The following MEGF6 variants were observed in gnomAD, a reference collection of about 807,000 sequenced individuals.
MEGF6 encodes the protein multiple epidermal growth factor-like domains protein 6.
Under a neutral mutation model 207.1 loss-of-function variants are expected in MEGF6, and 184 were observed. The observed-to-expected ratio is 0.89, with a 90% CI of 0.79 to 1.00. MEGF6 has a LOEUF of 1.00. Among genes scored for constraint, MEGF6 ranks in the 50% least tolerant of loss-of-function variants. MEGF6 has a pLI of 0.00. For missense variants in MEGF6, 2,282 were observed against 2,202.9 expected, an observed-to-expected ratio of 1.04 and a Z score of -0.72; for synonymous variants, 1,038 against 910.0, an observed-to-expected ratio of 1.14 and a Z score of -2.53.
At chr1:3,506,596 G>T (rs1182753677) in intron 14 of MEGF6, among the ~76,000 whole-genome samples, 4 of 152,188 alleles carry the variant, frequency 2.6e-5, no homozygotes, top group African/African-American at 9.7e-5. Context: ...AAAGCGGGAA[G>T]GACACGTGGC....
intron 3 of MEGF6, among the ~76,000 whole-genome samples, chr1:3,582,268 C>T (rs562554100): frequency 3.9e-5 from 6 of 152,308 alleles, no homozygotes; most frequent in East Asian, 1.9e-4. Flanking sequence ...AGATGTTCCC[C>T]GGACCCTGGG....
intron 4 of MEGF6, among the ~76,000 whole-genome samples, chr1:3,554,830 G>C (rs1415298468): frequency 6.6e-6 from 1 of 152,226 alleles, no homozygotes; most frequent in Non-Finnish European, 1.5e-5. Flanking sequence ...CAAAGTCGTT[G>C]CCATTCAAGG....
At chr1:3,609,428 C>T (rs1644296254) in intron 1 of MEGF6, among the ~76,000 whole-genome samples, 3 of 152,240 alleles carry the variant, frequency 2.0e-5, no homozygotes, top group Admixed American at 2.0e-4. Flanking sequence ...GAAGGCACGC[C>T]TGCCACCGTC....
At chr1:3,504,293 C>G (rs551885579) in intron 17 of MEGF6, among the ~76,000 whole-genome samples, 63 of 152,300 alleles carry the variant, frequency 4.1e-4, no homozygotes, top group African/African-American at 1.5e-3. Flanking sequence ...CCGACCTGCC[C>G]AGGCCCTGTT....
intron 3 of MEGF6, 142 bp downstream of exon 3, chr1:3,595,196 G>T: frequency 1.7e-6 from 1 of 603,092 alleles, no homozygotes; most frequent in Non-Finnish European, 2.9e-6. Context: ...TTGGCAAACG[G>T]CGTTGCTGAG....
Position 3,499,186 on chromosome 1 carries a change from C to G in MEGF6, c.3046G>C (p.Gly1016Arg), listed in dbSNP as rs189364002. 5.0e-6 allele frequency: 8 copies of G among 1,603,984 alleles called. No homozygotes were observed. The highest frequency in any genetic ancestry group is 2.7e-5 in the African/African-American group (2 of 74,944). Residue 1016 changes from glycine (G) to arginine (R), a missense_variant, in exon 24 of 37, where the codon GGG becomes CGG. Gly to Arg is a moderately radical substitution (Grantham distance 125). Transcript: ENST00000356575. ...FNGASCDPVH[G>R]QCHCAPGWMG... ...CAGCCAGGGGCACAGTGGCACTGCC[C>G]GTGGACAGGGTCACAGGAGGCCCCG...
chr1:3,575,538 C>T (rs951656398), intron 4 of MEGF6, among the ~76,000 whole-genome samples: 18 of 152,308 alleles, frequency 1.2e-4, no homozygotes, highest in African/African-American at 4.1e-4. Flanking sequence ...CTAGACTGGG[C>T]AATTTACAAA....
At chr1:3,501,974 C>A in intron 17 of MEGF6, 53 bp from the exon 18 acceptor site, 2 of 1,586,042 alleles carry the variant, frequency 1.3e-6, no homozygotes, top group Non-Finnish European at 1.7e-6. Context: ...GTGGACTGAC[C>A]AGAGCCTTTC....
At position 3,576,174 on chromosome 1, in the gene MEGF6, C is replaced by T. The variant is rs781139892; in HGVS notation, c.481+3651G>A. 5.3e-5 allele frequency among the ~76,000 whole-genome samples: 8 copies of T among 152,372 alleles called. No individual in the cohort carries two copies. In the East Asian group the frequency reaches 5.8e-4, roughly 11 times the overall value. On this transcript the variant is annotated intron_variant, in intron 4 of 36. Coordinates refer to ENST00000356575, the MANE Select transcript of MEGF6 (RefSeq NM_001409.4). The stretch of plus-strand genomic sequence containing the variant: ...AGCCTTCACTGCAGGGCCTGCCCAG[C>T]GCCGGGCCCTCCACCCTCCGGGCAG...
intron 4 of MEGF6, among the ~76,000 whole-genome samples, chr1:3,578,536 T>TG (rs60070220): frequency 0.097 from 13,386 of 138,340 alleles, 728 homozygotes; most frequent in East Asian, 0.32. Context: ...GCAGGGGCCC[T>TG]GGGGGGGGGG....
At chr1:3,598,328 C>A (rs909392700) in intron 2 of MEGF6, among the ~76,000 whole-genome samples, 1 of 152,198 alleles carries the variant, frequency 6.6e-6, no homozygotes, top group African/African-American at 2.4e-5. Flanking sequence ...GCGGGCGGGC[C>A]GCTTCCCGGA....
chr1:3,500,778 C>T lies in MEGF6; in HGVS notation c.2576-14G>A, dbSNP rs368489060. 54 of 1,604,150 alleles carry T rather than the reference C, an allele frequency of 3.4e-5. No homozygotes were observed. Among genetic ancestry groups the T allele is most frequent in the Non-Finnish European group, 4.4e-5 (52 of 1,175,424 alleles). On this transcript the variant is annotated splice_polypyrimidine_tract_variant and intron_variant, in intron 20 of 36. Coordinates refer to ENST00000356575, the MANE Select transcript of MEGF6 (RefSeq NM_001409.4). ...CAGTATCACAGGCTGCAACAGAACT[C>T]AGGGTCACCCGGCGCAGGCCCAAGC...
In MEGF6 at chr1:3,549,901, G is replaced by T. The variant is rs115010998; in HGVS notation, c.482-25655C>A. Among the ~76,000 whole-genome samples, 729 of 152,256 alleles carry T rather than the reference G, an allele frequency of 4.8e-3. 8 individuals are homozygous for T. The highest frequency in any genetic ancestry group is 0.017 in the African/African-American group (708 of 41,548). On this transcript the variant is annotated intron_variant, in intron 4 of 36. Transcript: ENST00000356575. ...CAAGCACAGGCACGGGTGGGCGGTCGAAGGTCAGAACCAGGCTAGGCTCTG... is the reference window on the plus strand; with the variant it reads ...CAAGCACAGGCACGGGTGGGCGGTCTAAGGTCAGAACCAGGCTAGGCTCTG...
intron 4 of MEGF6, among the ~76,000 whole-genome samples, chr1:3,562,246 C>T (rs567835340): frequency 6.6e-6 from 1 of 152,286 alleles, no homozygotes; most frequent in South Asian, 2.1e-4. Flanking sequence ...TTCTATCTCT[C>T]TATGTCTCTT....
intron 5 of MEGF6, among the ~76,000 whole-genome samples, chr1:3,517,810 G>A (rs911732603): frequency 3.3e-5 from 5 of 152,256 alleles, no homozygotes; most frequent in African/African-American, 1.2e-4. Flanking sequence ...CTCCCTGTCT[G>A]TGCTCCACAG....
chr1:3,527,147 C>G lies in MEGF6; in HGVS notation c.482-2901G>C, dbSNP rs543749513. Among the ~76,000 whole-genome samples the G allele has an allele frequency of 5.9e-5, 9 of 152,346 alleles. No individual in the cohort carries two copies. The South Asian group carries it at 1.0e-3, about 18-fold the overall frequency. On this transcript the variant is annotated intron_variant, in intron 4 of 36. Coordinates refer to ENST00000356575, the MANE Select transcript of MEGF6 (RefSeq NM_001409.4). ...CCCACCACCCTCCGGTTCCCACCCA[C>G]GGTCCCTGTGAAAATGCCCACCTTC...
At chr1:3,505,930 G>A (rs563175550) in intron 15 of MEGF6, among the ~76,000 whole-genome samples, 178 bp downstream of exon 15, 9 of 152,330 alleles carry the variant, frequency 5.9e-5, no homozygotes, top group African/African-American at 2.2e-4. Context: ...AGTCACAGTC[G>A]AGAGGATGTG....
rs565231713 is a variant in MEGF6, at chr1:3,519,070, G to A, written c.605-3543C>T. Among the ~76,000 whole-genome samples, 17 of 152,334 alleles carry A rather than the reference G, an allele frequency of 1.1e-4. No individual in the cohort carries two copies. The East Asian group carries it at 1.7e-3, about 16-fold the overall frequency. On this transcript the variant is annotated intron_variant, in intron 5 of 36. Coordinates refer to ENST00000356575, the MANE Select transcript of MEGF6 (RefSeq NM_001409.4). ...TGGCCCTTCAGCATGGCCACCAGGCGTCCAGAAATGGAGCAGGGAGGGAAA... is the reference window on the plus strand; with the variant it reads ...TGGCCCTTCAGCATGGCCACCAGGCATCCAGAAATGGAGCAGGGAGGGAAA...
At position 3,501,964 on chromosome 1, in the gene MEGF6, G is replaced by A. The variant is rs777927806; in HGVS notation, c.2189-43C>T. On this transcript the variant is annotated intron_variant, in intron 17 of 36. Transcript: ENST00000356575. ...AGGGGCCTTAGCCGCACCACGTGGA[G>A]TGGACTGACCAGAGCCTTTCCCCCA... The A allele has an allele frequency of 1.9e-6, 3 of 1,553,486 alleles. No homozygotes were observed. The South Asian group carries it at 3.4e-5, about 18-fold the overall frequency.
Sources: allele counts gnomAD v4.1 joint callset (sites outside exome capture counted in the v4.1 genomes callset), GRCh38; gene constraint gnomAD v4.1.1; transcripts MANE v1.5; gene names NCBI Gene and HGNC (gene_info 2026-07-23, HGNC 2026-07-21).